Variants in SNTG1 observed in about 807,000 individuals in gnomAD.
SNTG1 encodes syntrophin gamma 1.
A neutral mutation model predicts 74.7 loss-of-function variants in SNTG1; 39 were observed. The ratio of observed to expected loss-of-function variants is 0.52; its 90% CI spans 0.40 to 0.68. SNTG1 has a LOEUF of 0.68. SNTG1 is among the 30% of genes least tolerant of loss of function. The probability of loss-of-function intolerance (pLI) is 0.00; values close to 1 mark genes in which losing one functional copy is unlikely to be tolerated. For synonymous variants in SNTG1, 254 were observed against 217.1 expected, an observed-to-expected ratio of 1.17 and a Z score of -1.49; for missense variants, 685 against 609.5, an observed-to-expected ratio of 1.12 and a Z score of -1.30.
intron 13 of SNTG1, among the ~76,000 whole-genome samples, chr8:50,642,598 T>G (rs1350928564): frequency 6.6e-6 from 1 of 152,144 alleles, no homozygotes; most frequent in African/African-American, 2.4e-5. Flanking sequence ...AGCCCTATCC[T>G]TGCTGTCCCC....
chr8:50,660,422 GAAAGAAGAAAGA>G (rs1208208775), intron 15 of SNTG1, among the ~76,000 whole-genome samples: 5 of 13,622 alleles, frequency 3.7e-4, no homozygotes, highest in Admixed American at 1.1e-3. Context: ...AAGAAAGAAA[GAAAGAAGAAAGA>G]AAGAAAGAGA....
rs1311078257 is a variant in SNTG1, at chr8:50,629,063, GC to G, written c.850-27844del. Among the ~76,000 whole-genome samples, 6 of 152,242 alleles carry G rather than the reference GC, an allele frequency of 3.9e-5. No individual in the cohort carries two copies. The South Asian group carries it at 8.3e-4, about 21-fold the overall frequency. On this transcript the variant is annotated intron_variant, in intron 13 of 18. Coordinates refer to ENST00000642720, the MANE Select transcript of SNTG1 (RefSeq NM_018967.5). ...AGAGAGTAGAATAGTAGTTGCCAGA[GC>G]CTGAGGGGAAGGCAGAAATGGTGAG... is the stretch of plus-strand genomic sequence containing the variant.
At chr8:50,557,379 CA>C (rs2094462424) in intron 12 of SNTG1, among the ~76,000 whole-genome samples, 1 of 152,072 alleles carries the variant, frequency 6.6e-6, no homozygotes, top group Non-Finnish European at 1.5e-5. Context: ...CCTAAAATTC[CA>C]AAATTTCCTA....
intron 2 of SNTG1, among the ~76,000 whole-genome samples, chr8:50,232,299 A>T (rs2085669578): frequency 1.3e-5 from 2 of 151,484 alleles, no homozygotes; most frequent in African/African-American, 4.8e-5. Flanking sequence ...TCAACATTTT[A>T]AAAGCAATTA....
At chr8:50,660,426 G>GAAAGAAAGAAAGA (rs373288755) in intron 15 of SNTG1, among the ~76,000 whole-genome samples, 34 of 72,734 alleles carry the variant, frequency 4.7e-4, no homozygotes, top group African/African-American at 1.0e-3. Context: ...AAGAAAGAAA[G>GAAAGAAAGAAAGA]AAGAAAGAAA....
intron 18 of SNTG1, among the ~76,000 whole-genome samples, chr8:50,758,842 ATGGGATTGC>A (rs2131728257): frequency 6.6e-6 from 1 of 152,224 alleles, no homozygotes; most frequent in Non-Finnish European, 1.5e-5. Context: ...ATACTCAATA[ATGGGATTGC>A]TGGGTCAAAT....
At chr8:50,216,762 G>A (rs1050095132) in intron 2 of SNTG1, among the ~76,000 whole-genome samples, 3 of 151,954 alleles carry the variant, frequency 2.0e-5, no homozygotes, top group African/African-American at 4.8e-5. Flanking sequence ...CATAAGAAGA[G>A]GAAAGTTGCT....
At chr8:50,236,154 C>T (rs1487177454) in intron 2 of SNTG1, among the ~76,000 whole-genome samples, 1 of 152,116 alleles carries the variant, frequency 6.6e-6, no homozygotes, top group Non-Finnish European at 1.5e-5. Context: ...ACACAAATTT[C>T]CTTTTCCTAG....
intron 2 of SNTG1, among the ~76,000 whole-genome samples, chr8:50,325,568 T>C (rs1040771696): frequency 1.3e-5 from 2 of 152,116 alleles, no homozygotes; most frequent in Non-Finnish European, 2.9e-5. Context: ...TAACTTCATA[T>C]CCTGCAAGCT....
intron 16 of SNTG1, among the ~76,000 whole-genome samples, chr8:50,705,514 G>C (rs2095440479): frequency 6.6e-6 from 1 of 151,866 alleles, no homozygotes; most frequent in African/African-American, 2.4e-5. Flanking sequence ...AATTTATACT[G>C]TGTTTTCTAC....
intron 8 of SNTG1, among the ~76,000 whole-genome samples, chr8:50,462,492 G>T (rs1373170908): frequency 7.0e-6 from 1 of 143,102 alleles, no homozygotes; most frequent in Non-Finnish European, 1.5e-5. Flanking sequence ...AATGAAATTT[G>T]CCACATCTAT....
chr8:50,665,531 T>G (rs1220522421), intron 15 of SNTG1, among the ~76,000 whole-genome samples: 4 of 152,058 alleles, frequency 2.6e-5, no homozygotes, highest in African/African-American at 9.7e-5. Flanking sequence ...GCTCTCCATT[T>G]CTCAATATTA....
intron 1 of SNTG1, among the ~76,000 whole-genome samples, chr8:50,085,490 C>A (rs1822799406): frequency 6.6e-6 from 1 of 152,160 alleles, no homozygotes; most frequent in African/African-American, 2.4e-5. Flanking sequence ...ATTTGAAGAT[C>A]AAAGATAAGG....
At chr8:50,352,790 T>C (rs1024186621) in intron 2 of SNTG1, among the ~76,000 whole-genome samples, 1 of 152,184 alleles carries the variant, frequency 6.6e-6, no homozygotes, top group African/African-American at 2.4e-5. Context: ...ATATTTAGGC[T>C]TCTCAGAATG....
chr8:50,443,318 TA>T (rs2093375637), intron 5 of SNTG1, among the ~76,000 whole-genome samples: 1 of 152,192 alleles, frequency 6.6e-6, no homozygotes, highest in African/African-American at 2.4e-5. Flanking sequence ...TAAATGTTAT[TA>T]CTATAAATAT....
chr8:50,391,766 C>G (rs1162913816), intron 2 of SNTG1, among the ~76,000 whole-genome samples: 1 of 152,056 alleles, frequency 6.6e-6, no homozygotes, highest in African/African-American at 2.4e-5. Context: ...TTGGTCTATT[C>G]AGAGACTCAA....
At chr8:50,731,097 G>T (rs1198946122) in intron 17 of SNTG1, among the ~76,000 whole-genome samples, 1 of 152,100 alleles carries the variant, frequency 6.6e-6, no homozygotes. Flanking sequence ...ACATTTTAGG[G>T]TTTGTGGCTC....
chr8:50,647,608 CT>C (rs2095118090), intron 13 of SNTG1, among the ~76,000 whole-genome samples: 1 of 151,916 alleles, frequency 6.6e-6, no homozygotes, highest in African/African-American at 2.4e-5. Context: ...CCCAAAACCA[CT>C]TTAAAAAAGA....
intron 4 of SNTG1, among the ~76,000 whole-genome samples, chr8:50,430,859 T>C (rs2093226882): frequency 6.6e-6 from 1 of 152,208 alleles, no homozygotes; most frequent in Non-Finnish European, 1.5e-5. Flanking sequence ...TTCATGGGAC[T>C]GGGATAGTTA....
Sources: allele counts gnomAD v4.1 joint callset (sites outside exome capture counted in the v4.1 genomes callset), GRCh38; gene constraint gnomAD v4.1.1; transcripts MANE v1.5; gene names NCBI Gene and HGNC (gene_info 2026-07-23, HGNC 2026-07-21).